The following KCTD5 variants were observed in gnomAD, a reference collection of about 807,000 sequenced individuals.
The protein encoded by KCTD5 is potassium channel tetramerization domain containing 5.
A neutral mutation model predicts 27.9 loss-of-function variants in KCTD5; 12 were observed. The ratio of observed to expected loss-of-function variants is 0.43; its 90% CI spans 0.28 to 0.70. KCTD5 has a LOEUF of 0.70. KCTD5 is among the 30% of genes least tolerant of loss of function. The pLI, the probability that KCTD5 is intolerant of heterozygous loss-of-function variation, is 0.19. For missense variants in KCTD5, 226 were observed against 274.8 expected (o/e 0.82, Z 1.26); for synonymous variants, 147 against 121.4 (o/e 1.21, Z -1.39).
chr16:2,683,119 C>T (rs903351327), intron 1 of KCTD5: 3 of 288,314 alleles, frequency 1.0e-5, no homozygotes, highest in Non-Finnish European at 1.9e-5. Context: ...TGTGATTCTA[C>T]TTTCTTTTTC....
At chr16:2,704,736 C>G (rs565614465) in intron 5 of KCTD5, among the ~76,000 whole-genome samples, 10 of 152,186 alleles carry the variant, frequency 6.6e-5, no homozygotes, top group African/African-American at 2.4e-4. Context: ...CGTGGCTGAT[C>G]CCTCCTGTGA....
chr16:2,690,637 C>T (rs771770764), intron 1 of KCTD5, among the ~76,000 whole-genome samples: 4 of 152,214 alleles, frequency 2.6e-5, no homozygotes, highest in Non-Finnish European at 5.9e-5. Flanking sequence ...ACGCCCAGCC[C>T]GCAGCATCTC....
chr16:2,698,382 G>A (rs1215722556), intron 3 of KCTD5, among the ~76,000 whole-genome samples: 1 of 152,376 alleles, frequency 6.6e-6, no homozygotes, highest in East Asian at 1.9e-4. Flanking sequence ...GAGGGAGACA[G>A]CAGATGGGTC....
At chr16:2,692,337 C>G (rs1210036759) in intron 1 of KCTD5, among the ~76,000 whole-genome samples, 1 of 152,096 alleles carries the variant, frequency 6.6e-6, no homozygotes, top group Non-Finnish European at 1.5e-5. Context: ...GAAGCTTTAC[C>G]AAGTGTTGGG....
chr16:2,687,613 A>T (rs1310693830), intron 1 of KCTD5, among the ~76,000 whole-genome samples: 3 of 152,236 alleles, frequency 2.0e-5, no homozygotes, highest in Non-Finnish European at 4.4e-5. Context: ...TGAGGTCTAA[A>T]GCCTCGCCAG....
At chr16:2,705,478 G>T (rs1353407754) in intron 5 of KCTD5, among the ~76,000 whole-genome samples, 1 of 152,160 alleles carries the variant, frequency 6.6e-6, no homozygotes, top group Non-Finnish European at 1.5e-5. Context: ...TGGGCAGGGA[G>T]TGCCACTCGT....
At chr16:2,700,377 C>G (rs1190837199) in intron 4 of KCTD5, among the ~76,000 whole-genome samples, 1 of 152,240 alleles carries the variant, frequency 6.6e-6, no homozygotes, top group African/African-American at 2.4e-5. Context: ...GTTGCCTTCT[C>G]TCTGGTTTTG....
At chr16:2,697,700 A>G (rs1198965251) in intron 2 of KCTD5, among the ~76,000 whole-genome samples, 4 of 152,156 alleles carry the variant, frequency 2.6e-5, no homozygotes, top group East Asian at 1.9e-4. Context: ...CCCTCTCACC[A>G]CGGCCCCTCC....
chr16:2,706,345 C>T (rs1472265795), intron 5 of KCTD5, among the ~76,000 whole-genome samples: 2 of 152,198 alleles, frequency 1.3e-5, no homozygotes, highest in African/African-American at 2.4e-5. Context: ...CTGTGCCCGG[C>T]GAGGGCGTGG....
intron 5 of KCTD5, 27 bp downstream of exon 5, chr16:2,702,505 G>A: frequency 3.1e-6 from 5 of 1,609,702 alleles, no homozygotes; most frequent in Non-Finnish European, 4.2e-6. Context: ...CCCTGGCCTG[G>A]GGCAGTCTTG....
At chr16:2,699,279 G>A (rs1454789683) in intron 3 of KCTD5, 1 of 453,626 alleles carries the variant, frequency 2.2e-6, no homozygotes, top group South Asian at 1.6e-5. Flanking sequence ...CAGGACCACA[G>A]CTGCCTGGAG....
chr16:2,708,312 T>C lies in KCTD5; in HGVS notation c.*985T>C, dbSNP rs1162151511. 1.3e-5 allele frequency: 2 copies of C among 152,690 alleles called. No homozygotes were observed. Among genetic ancestry groups the C allele is most frequent in the Non-Finnish European group, 2.9e-5 (2 of 68,066 alleles). 9.5% of individuals were successfully genotyped at this position (152,690 alleles called of 1,614,324 possible). ...GTATAACTATGCAGCCTTCCCTCTCTTTCTGGGATGTTTGGGACTTCACTC... is the reference window on the plus strand; with the variant it reads ...GTATAACTATGCAGCCTTCCCTCTCCTTCTGGGATGTTTGGGACTTCACTC... On this transcript the variant is annotated 3_prime_UTR_variant, in exon 6 of 6. Coordinates refer to ENST00000301738, the MANE Select transcript of KCTD5 (RefSeq NM_018992.4).
intron 4 of KCTD5, among the ~76,000 whole-genome samples, chr16:2,701,205 C>T (rs1413938857): frequency 6.6e-6 from 1 of 152,266 alleles, no homozygotes; most frequent in Non-Finnish European, 1.5e-5. Flanking sequence ...CTTAGCACTT[C>T]TGGGTGGATT....
In KCTD5 at chr16:2,707,491, G is replaced by T. The variant is rs148724877; in HGVS notation, c.*164G>T. ...GCCTCTGAGGTGGGTGGTGAGAGAC[G>T]GGCCCAGCTGTCCAAGGCCAGACGT... On this transcript the variant is annotated 3_prime_UTR_variant, in exon 6 of 6. Coordinates refer to ENST00000301738, the MANE Select transcript of KCTD5 (RefSeq NM_018992.4). The T allele has an allele frequency of 5.2e-6, 4 of 776,656 alleles. No homozygotes were observed. The South Asian group carries it at 5.7e-5, about 11-fold the overall frequency. 48.1% of individuals were successfully genotyped at this position (776,656 alleles called of 1,614,324 possible). A position where few individuals can be genotyped will look rare whatever the true frequency, so the allele number is the denominator to read the frequency against.
chr16:2,696,664 C>G (rs1171022909), intron 2 of KCTD5, among the ~76,000 whole-genome samples: 2 of 152,162 alleles, frequency 1.3e-5, no homozygotes, highest in African/African-American at 4.8e-5. Context: ...GCGGGCGTGG[C>G]CCTGCTCCCC....
chr16:2,696,652 G>A (rs1409338846), intron 2 of KCTD5, among the ~76,000 whole-genome samples: 11 of 152,308 alleles, frequency 7.2e-5, no homozygotes, highest in Admixed American at 1.3e-4. Flanking sequence ...GGGCACCTGC[G>A]TGCGGGCGTG....
intron 1 of KCTD5, chr16:2,683,521 T>C (rs2067527642): frequency 1.3e-5 from 2 of 151,660 alleles, no homozygotes. Context: ...GACAGGAATT[T>C]CCAGGTTAGT....
intron 3 of KCTD5, chr16:2,699,172 G>A (rs1297470761): frequency 2.2e-6 from 1 of 456,122 alleles, no homozygotes; most frequent in Non-Finnish European, 4.4e-6. Flanking sequence ...TCTGCAGCCT[G>A]AGTCCTCCGT....
intron 5 of KCTD5, among the ~76,000 whole-genome samples, chr16:2,706,847 G>A (rs964477099): frequency 4.0e-5 from 6 of 151,430 alleles, no homozygotes; most frequent in Non-Finnish European, 5.9e-5. Flanking sequence ...GAGGTGCAGG[G>A]CCGAGGGCTT....
Sources: allele counts gnomAD v4.1 joint callset (sites outside exome capture counted in the v4.1 genomes callset), GRCh38; gene constraint gnomAD v4.1.1; transcripts MANE v1.5; gene names NCBI Gene and HGNC (gene_info 2026-07-23, HGNC 2026-07-21).